Variants in DAB1 observed in about 807,000 individuals in gnomAD.
DAB1 encodes the protein DAB adaptor protein 1, also known as disabled homolog 1.
Under a neutral mutation model 64.6 loss-of-function variants are expected in DAB1, and 15 were observed. That is an observed-to-expected ratio of 0.23 (90% CI 0.16 to 0.36). DAB1 has a LOEUF of 0.36. Ranked by LOEUF, DAB1 falls within the 10% of genes least tolerant of loss-of-function variation. The probability of loss-of-function intolerance (pLI) is 1.00; values close to 1 mark genes in which losing one functional copy is unlikely to be tolerated. For missense variants in DAB1, 596 were observed against 706.7 expected (o/e 0.84, Z 1.78); for synonymous variants, 235 against 251.9 (o/e 0.93, Z 0.64).
chr1:57,164,218 C>G (rs1661022556), intron 2 of DAB1, among the ~76,000 whole-genome samples: 1 of 152,170 alleles, frequency 6.6e-6, no homozygotes, highest in Non-Finnish European at 1.5e-5. Flanking sequence ...TCAGATTGAA[C>G]TATGTCAATG....
At chr1:57,304,902 C>G (rs1352852252) in intron 1 of DAB1, among the ~76,000 whole-genome samples, 1 of 152,132 alleles carries the variant, frequency 6.6e-6, no homozygotes, top group Non-Finnish European at 1.5e-5. Context: ...TCTAGTTCGG[C>G]AAATCTCCCC....
Position 57,672,315 on chromosome 1 carries a change from T to A in DAB1, n.552-22650A>T, listed in dbSNP as rs1416432660. On this transcript the variant is annotated intron_variant and non_coding_transcript_variant, in intron 6 of 20. Coordinates refer to the DAB1 transcript ENST00000485760. ...GTAGGATCTCTTTTAATTAAAAAAG[T>A]AAGAATGGTATGTAGTTAATATCAT... Among the ~76,000 whole-genome samples the A allele has an allele frequency of 2.0e-5, 3 of 152,142 alleles. No homozygotes were observed. The East Asian group carries it at 5.8e-4, about 29-fold the overall frequency.
intron 7 of DAB1, among the ~76,000 whole-genome samples, chr1:57,592,933 C>T (rs1447528388): frequency 1.3e-5 from 2 of 152,136 alleles, no homozygotes; most frequent in African/African-American, 4.8e-5. Flanking sequence ...TCCTACAGGG[C>T]CCTGTCTCTA....
rs571817938 is a variant in DAB1, at chr1:57,172,203, C to T, written c.68-26774G>A. On this transcript the variant is annotated intron_variant, in intron 2 of 14. Coordinates refer to ENST00000371236, the MANE Select transcript of DAB1 (RefSeq NM_001365792.1). Reference sequence around the variant, plus strand: ...AGTCATAGTGAAGTCACTATGACCTCGTCTTAACTCATTAAATTTGCAATG... The same window carrying T: ...AGTCATAGTGAAGTCACTATGACCTTGTCTTAACTCATTAAATTTGCAATG... Among the ~76,000 whole-genome samples, 10 of 152,160 alleles carry T rather than the reference C, an allele frequency of 6.6e-5. No homozygotes were observed. The East Asian group carries it at 1.4e-3, about 21-fold the overall frequency.
intron 2 of DAB1, among the ~76,000 whole-genome samples, chr1:57,206,968 CTTTTTTTTTTT>C (rs201111039): frequency 2.4e-5 from 2 of 84,476 alleles, no homozygotes; most frequent in African/African-American, 9.8e-5. Context: ...TCCTTCCTTC[CTTTTTTTTTTT>C]TTTTTTTTTT....
chr1:57,929,132 C>T (rs541881661), intron 5 of DAB1, among the ~76,000 whole-genome samples: 4 of 152,306 alleles, frequency 2.6e-5, no homozygotes, highest in Admixed American at 2.6e-4. Flanking sequence ...CTTGACCATG[C>T]CAATAGGTGT....
intron 7 of DAB1, among the ~76,000 whole-genome samples, chr1:57,536,570 A>G (rs548281594): frequency 6.6e-6 from 1 of 152,112 alleles, no homozygotes; most frequent in African/African-American, 2.4e-5. Context: ...CAATAAACCA[A>G]TAAACCTAAT....
At chr1:58,020,732 G>A (rs1191497458) in intron 5 of DAB1, among the ~76,000 whole-genome samples, 3 of 152,192 alleles carry the variant, frequency 2.0e-5, no homozygotes, top group Non-Finnish European at 4.4e-5. Context: ...AGCCAGGCGC[G>A]GTGGCTCACG....
At chr1:58,381,735 T>C (rs1446257966) in intron 3 of DAB1, among the ~76,000 whole-genome samples, 3 of 152,218 alleles carry the variant, frequency 2.0e-5, no homozygotes, top group Non-Finnish European at 4.4e-5. Context: ...ATAGTTCTTT[T>C]CTGGGTATGT....
At chr1:57,569,350 G>C (rs537708173) in intron 7 of DAB1, among the ~76,000 whole-genome samples, 2 of 150,976 alleles carry the variant, frequency 1.3e-5, no homozygotes, top group Admixed American at 1.3e-4. Context: ...ATGTCCATCA[G>C]TGATAGACTG....
chr1:58,116,014 T>C (rs1025284579), intron 5 of DAB1, among the ~76,000 whole-genome samples: 2 of 151,292 alleles, frequency 1.3e-5, no homozygotes, highest in African/African-American at 4.9e-5. Context: ...TATTAAACAA[T>C]TCATCTATAC....
intron 7 of DAB1, among the ~76,000 whole-genome samples, chr1:57,471,512 G>A (rs750253326): frequency 2.0e-5 from 3 of 152,174 alleles, no homozygotes; most frequent in Non-Finnish European, 2.9e-5. Context: ...GAATTCCCAC[G>A]TGTTGCAGGA....
chr1:57,899,586 G>T (rs542302998), intron 5 of DAB1, among the ~76,000 whole-genome samples: 1 of 151,996 alleles, frequency 6.6e-6, no homozygotes, highest in East Asian at 1.9e-4. Context: ...CCCTGAGACC[G>T]CAAACATGCA....
At chr1:58,050,913 T>A (rs938183095) in intron 5 of DAB1, among the ~76,000 whole-genome samples, 4 of 152,196 alleles carry the variant, frequency 2.6e-5, no homozygotes, top group African/African-American at 9.6e-5. Context: ...TATCCATAAT[T>A]CATTCACCAA....
chr1:57,657,695 C>A (rs1021618482), intron 6 of DAB1, among the ~76,000 whole-genome samples: 1 of 152,162 alleles, frequency 6.6e-6, no homozygotes, highest in Non-Finnish European at 1.5e-5. Context: ...TATGGAGACC[C>A]TTTACCTCCA....
Position 57,015,080 on chromosome 1 carries a change from T to G in DAB1, c.1247A>C (p.Lys416Thr). ...CGGAGGCTGGGCCATCTGGAAATCC[T>G]TAAACGTTTCTTTGCCCATTTTCTG... ...PRQKMGKETF[K>T]DFQMAQPPPV... The change falls in exon 12 of 15, where the codon AAG (lysine) becomes ACG (threonine). Residue 416 changes from lysine to threonine, a missense_variant. By Grantham distance (78) the Lys-to-Thr change is moderately conservative. Transcript: ENST00000371236. 1 of 1,614,220 alleles carries G rather than the reference T, an allele frequency of 6.2e-7. No homozygotes were observed. The highest frequency in any genetic ancestry group is 8.5e-7 in the Non-Finnish European group (1 of 1,180,028).
chr1:57,509,064 T>C (rs1385521081), intron 7 of DAB1, among the ~76,000 whole-genome samples: 1 of 152,048 alleles, frequency 6.6e-6, no homozygotes, highest in African/African-American at 2.4e-5. Flanking sequence ...CAAAATACAT[T>C]TCTATATGTA....
chr1:57,279,467 C>A (rs922226049), intron 2 of DAB1, among the ~76,000 whole-genome samples: 13 of 152,142 alleles, frequency 8.5e-5, no homozygotes, highest in African/African-American at 2.9e-4. Context: ...TGGAGGGTGG[C>A]TGACTTTATA....
intron 2 of DAB1, among the ~76,000 whole-genome samples, chr1:57,259,871 T>C (rs1206053413): frequency 6.6e-6 from 1 of 152,226 alleles, no homozygotes; most frequent in African/African-American, 2.4e-5. Flanking sequence ...ATAATTGTTG[T>C]TGTTGTTTTC....
Sources: allele counts gnomAD v4.1 joint callset (sites outside exome capture counted in the v4.1 genomes callset), GRCh38; gene constraint gnomAD v4.1.1; transcripts MANE v1.5; gene names NCBI Gene and HGNC (gene_info 2026-07-23, HGNC 2026-07-21).